Variants in COL23A1 observed in about 807,000 individuals in gnomAD.
The protein encoded by COL23A1 is collagen type XXIII alpha 1 chain, also known as collagen alpha-1(XXIII) chain.
Under a neutral mutation model 99.3 loss-of-function variants are expected in COL23A1, and 97 were observed. The observed-to-expected ratio is 0.98, with a 90% CI of 0.83 to 1.16. COL23A1 has a LOEUF of 1.16. Ranked by LOEUF, COL23A1 falls within the 50% of genes most tolerant of loss-of-function variation. The pLI is 0.00. For synonymous variants in COL23A1, 320 were observed against 308.2 expected (o/e 1.04, Z -0.40); for missense variants, 762 against 757.4 (o/e 1.01, Z -0.07).
intron 1 of COL23A1, among the ~76,000 whole-genome samples, chr5:178,563,099 T>C (rs972092805): frequency 3.4e-4 from 52 of 152,200 alleles, no homozygotes; most frequent in Admixed American, 2.2e-3. Context: ...GGGGTGCCTT[T>C]AGGCGCACTC....
chr5:178,378,143 A>G (rs1387389283), intron 2 of COL23A1: 2 of 152,214 alleles, frequency 1.3e-5, no homozygotes, highest in Non-Finnish European at 2.9e-5. Context: ...TTGAAATCCC[A>G]TGCTGATCAG....
At chr5:178,503,153 G>A (rs1025667238) in intron 2 of COL23A1, among the ~76,000 whole-genome samples, 11 of 152,186 alleles carry the variant, frequency 7.2e-5, no homozygotes, top group Admixed American at 2.0e-4. Context: ...AGGCCGAGGC[G>A]GGTGGATCAC....
intron 2 of COL23A1, among the ~76,000 whole-genome samples, chr5:178,441,457 A>G (rs934348952): frequency 6.6e-6 from 1 of 152,152 alleles, no homozygotes; most frequent in African/African-American, 2.4e-5. Flanking sequence ...TTCACACACT[A>G]TTGAGAATTT....
chr5:178,371,792 C>T (rs762691377), intron 2 of COL23A1, among the ~76,000 whole-genome samples: 7 of 152,226 alleles, frequency 4.6e-5, no homozygotes, highest in East Asian at 3.9e-4. Flanking sequence ...GAGCCCCCAC[C>T]GCCCCAGGGG....
Position 178,590,038 on chromosome 5 carries a change from GC to G in COL23A1, c.159del (p.Leu54TrpfsTer50). ...TGCAGCGCGGCCGCCTGGACACCCA[GC>G]AGCAGGCAGGCAGCCGCCGAGCCCA... ...LSVGSAAACL[L>X]LGVQAAALQG... is the part of the protein sequence containing the mutation. On this transcript the variant is annotated frameshift_variant, in exon 1 of 29. Transcript: ENST00000390654. LOFTEE classifies it high-confidence loss of function. This position sits in a 1 kb window ranked among gnomAD's most constrained non-coding sequence, Gnocchi z 5.7. 1 of 1,353,624 alleles carries G rather than the reference GC, an allele frequency of 7.4e-7. No homozygotes were observed. The allele number at this position is 1,353,624 out of a possible 1,614,324, so 83.9% of individuals were successfully genotyped here.
rs557695074 is a variant in COL23A1, at chr5:178,482,086, C to T, written c.361+78596G>A. Among the ~76,000 whole-genome samples, 110 of 150,770 alleles carry T rather than the reference C, an allele frequency of 7.3e-4. 2 individuals carry two copies. In the South Asian group the frequency reaches 0.022, roughly 31 times the overall value. On this transcript the variant is annotated intron_variant, in intron 2 of 28. Coordinates refer to ENST00000390654, the MANE Select transcript of COL23A1 (RefSeq NM_173465.4). ...TGGTAGTTTCTCAAAAAGTCAGACA[C>T]AGAATTACTATATGATCCAGAAATT... is the stretch of plus-strand genomic sequence containing the variant.
At chr5:178,364,189 C>A (rs1451671908) in intron 2 of COL23A1, among the ~76,000 whole-genome samples, 1 of 152,198 alleles carries the variant, frequency 6.6e-6, no homozygotes, top group Non-Finnish European at 1.5e-5. Flanking sequence ...TGGGCCCCTC[C>A]CTGGCTTTGT....
intron 5 of COL23A1, among the ~76,000 whole-genome samples, chr5:178,279,364 C>T (rs557205873): frequency 6.6e-6 from 1 of 152,252 alleles, no homozygotes; most frequent in African/African-American, 2.4e-5. Flanking sequence ...GTGCCCACCA[C>T]AGATGCCCTT....
chr5:178,454,383 G>C (rs1166724334), intron 2 of COL23A1, among the ~76,000 whole-genome samples: 1 of 152,186 alleles, frequency 6.6e-6, no homozygotes, highest in Non-Finnish European at 1.5e-5. Flanking sequence ...AGATAACCTA[G>C]GCCTGCAGGC....
At chr5:178,473,515 T>C (rs1756872815) in intron 2 of COL23A1, among the ~76,000 whole-genome samples, 1 of 149,976 alleles carries the variant, frequency 6.7e-6, no homozygotes, top group East Asian at 2.0e-4. Flanking sequence ...GGTTTTGCCA[T>C]GTTGCCCAGG....
At chr5:178,543,110 G>GTT (rs1278330892) in intron 2 of COL23A1, among the ~76,000 whole-genome samples, 18 of 142,644 alleles carry the variant, frequency 1.3e-4, no homozygotes, top group East Asian at 2.0e-4. Flanking sequence ...TAATTGGCTT[G>GTT]TTTTTTTTTT....
chr5:178,469,137 G>A (rs2647699), intron 2 of COL23A1, among the ~76,000 whole-genome samples: 7,587 of 152,334 alleles, frequency 0.05, 567 homozygotes, highest in African/African-American at 0.16. Flanking sequence ...GCCACATTGT[G>A]TCTATCCATT....
rs200190878 is a variant in COL23A1, at chr5:178,517,956, C to G, written c.361+42726G>C. On this transcript the variant is annotated intron_variant, in intron 2 of 28. Transcript: ENST00000390654. ...GTGTTTCTCACAGAGGGGGATTTGG[C>G]AGGGTCATGGGACAATAGTGGAGGG... is the stretch of plus-strand genomic sequence containing the variant. 9.7e-5 allele frequency among the ~76,000 whole-genome samples: 12 copies of G among 123,442 alleles called. 1 individual carries two copies. In the South Asian group the frequency reaches 2.0e-3, roughly 21 times the overall value. The allele number at this position is 123,442 out of a possible 152,430, so 81.0% of individuals were successfully genotyped here.
chr5:178,581,946 G>A (rs959769632), intron 1 of COL23A1, among the ~76,000 whole-genome samples: 8 of 152,078 alleles, frequency 5.3e-5, no homozygotes, highest in East Asian at 1.9e-4. Flanking sequence ...AAAGGATTGC[G>A]CAGAAAGTTA....
Position 178,424,786 on chromosome 5 carries a change from A to G in COL23A1, c.362-117867T>C, listed in dbSNP as rs186687124. On this transcript the variant is annotated intron_variant, in intron 2 of 28. Coordinates refer to ENST00000390654, the MANE Select transcript of COL23A1 (RefSeq NM_173465.4). ...GAGTTACAGACACTGAATCCATAAA[A>G]TGCAGATGATAATCTCTCCTCCCAA... 5.9e-5 allele frequency among the ~76,000 whole-genome samples: 9 copies of G among 152,344 alleles called. No homozygotes were observed. The East Asian group carries it at 1.3e-3, about 23-fold the overall frequency.
intron 2 of COL23A1, among the ~76,000 whole-genome samples, chr5:178,335,546 T>G (rs1760270180): frequency 6.6e-6 from 1 of 152,242 alleles, no homozygotes; most frequent in Non-Finnish European, 1.5e-5. Flanking sequence ...TTCTTGAAAC[T>G]GAGCCAGGGC....
At chr5:178,330,116 G>T (rs1581165117) in intron 2 of COL23A1, among the ~76,000 whole-genome samples, 1 of 152,254 alleles carries the variant, frequency 6.6e-6, no homozygotes, top group South Asian at 2.1e-4. Context: ...GGGGAGAGAT[G>T]CTCCCTGCAG....
chr5:178,389,316 C>T (rs544123659), intron 2 of COL23A1, among the ~76,000 whole-genome samples: 1 of 152,328 alleles, frequency 6.6e-6, no homozygotes, highest in African/African-American at 2.4e-5. Flanking sequence ...TCTCCCATTC[C>T]CTTTCCAAAG....
chr5:178,548,255 C>T (rs10036945), intron 2 of COL23A1, among the ~76,000 whole-genome samples: 73 of 151,910 alleles, frequency 4.8e-4, no homozygotes, highest in African/African-American at 1.7e-3. Flanking sequence ...CCGGGCCCTG[C>T]ACTGCTGCCT....
Sources: gnomAD v4.1 joint callset for allele counts (sites outside exome capture counted in the v4.1 genomes callset) on GRCh38, gnomAD v4.1.1 for gene constraint, Gnocchi (gnomAD v3.1) non-coding constraint, MANE v1.5 for transcripts, NCBI Gene and HGNC (gene_info 2026-07-23, HGNC 2026-07-21) for gene names.